WDR59: variants seen among roughly 807,000 people sequenced by gnomAD.
The protein encoded by WDR59 is GATOR2 complex protein WDR59.
Under a neutral mutation model 131.2 loss-of-function variants are expected in WDR59, and 100 were observed. The observed-to-expected ratio is 0.76, with a 90% CI of 0.65 to 0.90. WDR59 has a LOEUF of 0.90. WDR59 is among the 40% of genes least tolerant of loss of function. The pLI, the probability that WDR59 is intolerant of heterozygous loss-of-function variation, is 0.00. For synonymous variants in WDR59, 601 were observed against 466.2 expected (o/e 1.29, Z -3.72); for missense variants, 1,203 against 1,262.2 (o/e 0.95, Z 0.71).
chr16:74,942,312 G>C (rs1426757882), intron 7 of WDR59, among the ~76,000 whole-genome samples: 1 of 152,106 alleles, frequency 6.6e-6, no homozygotes, highest in East Asian at 1.9e-4. Flanking sequence ...CAGGATGGCA[G>C]GCATCCGAGA....
chr16:74,931,214 T>C (rs1028029905), intron 8 of WDR59, among the ~76,000 whole-genome samples: 7 of 152,236 alleles, frequency 4.6e-5, no homozygotes, highest in African/African-American at 1.7e-4. Context: ...TGTAACTATT[T>C]ATATGAATTA....
chr16:74,977,023 A>T (rs529155158), intron 1 of WDR59, among the ~76,000 whole-genome samples: 2 of 152,252 alleles, frequency 1.3e-5, no homozygotes, highest in East Asian at 3.9e-4. Context: ...AACAAGACTG[A>T]AAAAGCATAA....
At chr16:74,940,393 A>G (rs2032125035) in intron 7 of WDR59, among the ~76,000 whole-genome samples, 2 of 151,484 alleles carry the variant, frequency 1.3e-5, no homozygotes, top group African/African-American at 4.8e-5. Context: ...AAAAAAAAAA[A>G]CAACAACAAA....
At chr16:74,896,437 CG>C (rs1363067816) in intron 18 of WDR59, among the ~76,000 whole-genome samples, 1 of 152,086 alleles carries the variant, frequency 6.6e-6, no homozygotes, top group Non-Finnish European at 1.5e-5. Flanking sequence ...GAGACCAGCC[CG>C]GCCCTGGCCC....
chr16:74,906,081 G>A (rs563977261), intron 17 of WDR59, among the ~76,000 whole-genome samples: 24 of 151,896 alleles, frequency 1.6e-4, no homozygotes, highest in South Asian at 8.3e-4. Context: ...TTGGGAGGCC[G>A]AGGCAGGCAG....
Position 74,916,244 on chromosome 16 carries a change from T to C in WDR59, c.982A>G (p.Ile328Val), listed in dbSNP as rs765783889. Residue 328 changes from isoleucine (I) to valine (V), a missense_variant, in exon 12 of 26, where the codon ATA becomes GTA. Transcript: ENST00000262144. Reference protein sequence around the residue: ...SQMQRLCANDILDGVDEFIES... With the variant: ...SQMQRLCANDVLDGVDEFIES... ...ATGAACTCATCAACACCATCTAATA[T>C]GTCATTTGCACAAAGCTGCAACAAA... The C allele has an allele frequency of 4.3e-6, 7 of 1,613,872 alleles. No homozygotes were observed. In the East Asian group the frequency reaches 1.6e-4, roughly 36 times the overall value.
chr16:74,968,786 G>A (rs577483385), intron 1 of WDR59, among the ~76,000 whole-genome samples: 1 of 152,042 alleles, frequency 6.6e-6, no homozygotes, highest in East Asian at 1.9e-4. Flanking sequence ...CATATCAGAG[G>A]AAGTTATTTA....
chr16:74,945,369 C>T (rs368189518), intron 6 of WDR59, among the ~76,000 whole-genome samples: 26 of 151,348 alleles, frequency 1.7e-4, no homozygotes, highest in Admixed American at 7.3e-4. Flanking sequence ...CCCAGCTACT[C>T]GGGAGGCTGA....
intron 1 of WDR59, among the ~76,000 whole-genome samples, chr16:74,976,537 G>T (rs1267099076): frequency 2.6e-5 from 4 of 150,990 alleles, no homozygotes; most frequent in Non-Finnish European, 4.4e-5. Flanking sequence ...CACCTTTTGG[G>T]TTCGAGCGAT....
chr16:74,925,046 T>C (rs28528900), intron 8 of WDR59, among the ~76,000 whole-genome samples: 5,982 of 152,298 alleles, frequency 0.039, 380 homozygotes, highest in African/African-American at 0.14. Context: ...TGAATGTTTA[T>C]AGTGGCTCTA....
Position 74,935,335 on chromosome 16 carries a change from G to GA in WDR59, c.651+2814dup, listed in dbSNP as rs566441787. Among the ~76,000 whole-genome samples the GA allele has an allele frequency of 1.9e-3, 283 of 150,104 alleles. 9 individuals carry two copies. In the South Asian group the frequency reaches 0.055, roughly 29 times the overall value. ...AGGCTGCTGTTAACCCAAGATCAGG[G>GA]AAAAAAAAAGATTATGTAAAATGAT... On this transcript the variant is annotated intron_variant, in intron 8 of 25. Coordinates refer to ENST00000262144, the MANE Select transcript of WDR59 (RefSeq NM_030581.4).
At chr16:74,961,318 A>C (rs1441414367) in intron 2 of WDR59, among the ~76,000 whole-genome samples, 1 of 151,820 alleles carries the variant, frequency 6.6e-6, no homozygotes, top group African/African-American at 2.4e-5. Flanking sequence ...CAACAACAAC[A>C]AAAAAAACCC....
intron 13 of WDR59, among the ~76,000 whole-genome samples, chr16:74,913,457 G>A (rs1230215133): frequency 6.6e-6 from 1 of 151,550 alleles, no homozygotes; most frequent in Non-Finnish European, 1.5e-5. Context: ...TTGTTGTTTT[G>A]CTTTTTGTGT....
chr16:74,971,198 G>A (rs2033968497), intron 1 of WDR59, among the ~76,000 whole-genome samples: 1 of 151,980 alleles, frequency 6.6e-6, no homozygotes, highest in African/African-American at 2.4e-5. Flanking sequence ...TATCACCCAC[G>A]AGTTTATCTA....
chr16:74,912,255 G>A lies in WDR59; in HGVS notation c.1332C>T (p.Ser444=). ...TGGTTGTGGGGTTAATAAACTGGAA[G>A]GAAGGGGCGGCGTTGTTTGGGTACT... is the stretch of plus-strand genomic sequence containing the variant. ...PAQYPNNAAP[S]FQFINPTTIT... Residue 444 remains serine (S), a synonymous_variant, in exon 14 of 26, where the codon TCC becomes TCT. Transcript: ENST00000262144. 3 of 1,614,202 alleles carry A rather than the reference G, an allele frequency of 1.9e-6. No individual in the cohort carries two copies. The highest frequency in any genetic ancestry group is 2.5e-6 in the Non-Finnish European group (3 of 1,180,026).
intron 25 of WDR59, among the ~76,000 whole-genome samples, chr16:74,884,550 G>C (rs879050087): frequency 6.6e-6 from 1 of 152,196 alleles, no homozygotes; most frequent in African/African-American, 2.4e-5. Flanking sequence ...GTTTCACCAT[G>C]TTGGCCAGGC....
intron 8 of WDR59, 90 bp downstream of exon 8, chr16:74,938,060 C>T (rs552719408): frequency 1.3e-5 from 12 of 896,756 alleles, no homozygotes; most frequent in Non-Finnish European, 2.0e-5. Context: ...ACTGTGCTAA[C>T]ACACTGCAGC....
intron 1 of WDR59, among the ~76,000 whole-genome samples, chr16:74,984,374 A>G (rs2034542796): frequency 6.6e-6 from 1 of 152,194 alleles, no homozygotes; most frequent in South Asian, 2.1e-4. Context: ...CAGGTGAGAA[A>G]ACTGACGTGT....
At chr16:74,912,033 T>C (rs1966119065) in intron 14 of WDR59, 165 bp downstream of exon 14, 4 of 896,932 alleles carry the variant, frequency 4.5e-6, no homozygotes, top group Admixed American at 2.8e-5. Flanking sequence ...TGATGTTTTC[T>C]GCACAAAGTA....
Sources: allele counts gnomAD v4.1 joint callset (sites outside exome capture counted in the v4.1 genomes callset), GRCh38; gene constraint gnomAD v4.1.1; transcripts MANE v1.5; gene names NCBI Gene and HGNC (gene_info 2026-07-23, HGNC 2026-07-21).